ZNF230: variants seen among roughly 807,000 people sequenced by gnomAD.
ZNF230 encodes the protein zinc finger protein 230, also known as zinc finger protein FDZF2.
A neutral mutation model predicts 10.0 loss-of-function variants in ZNF230; 12 were observed. The ratio of observed to expected loss-of-function variants is 1.20; its 90% CI spans 0.77 to 1.95. The LOEUF is 1.95. ZNF230 is among the 30% of genes most tolerant of loss of function. ZNF230 has a pLI of 0.00. For synonymous variants in ZNF230, 174 were observed against 193.6 expected (o/e 0.90, Z 0.84); for missense variants, 532 against 565.8 (o/e 0.94, Z 0.61).
chr19:44,007,150 A>G (rs1241172350), intron 2 of ZNF230, 57 bp downstream of exon 2: 6 of 1,564,236 alleles, frequency 3.8e-6, no homozygotes, highest in Non-Finnish European at 3.5e-6. Flanking sequence ...TCATATTGTC[A>G]TATATTTTTC....
chr19:44,013,314 T>A lies in ZNF230; in HGVS notation c.*1850T>A, dbSNP rs1336747000. ...CCAAGAGAAACCTATCGGAGTTTGG[T>A]AATTTCATGAAATGTATCCATGATT... On this transcript the variant is annotated 3_prime_UTR_variant, in exon 5 of 5. Coordinates refer to ENST00000429154, the MANE Select transcript of ZNF230 (RefSeq NM_006300.4). 1 of 152,244 alleles carries A rather than the reference T, an allele frequency of 6.6e-6. No homozygotes were observed. Among genetic ancestry groups the A allele is most frequent in the Non-Finnish European group, 1.5e-5 (1 of 68,038 alleles). 9.4% of individuals were successfully genotyped at this position (152,244 alleles called of 1,614,324 possible). A position where few individuals can be genotyped will look rare whatever the true frequency, so the allele number is the denominator to read the frequency against.
At position 44,010,810 on chromosome 19, in the gene ZNF230, TG is replaced by T. The variant is rs1346075807; in HGVS notation, c.774del (p.Arg259GlyfsTer14). On this transcript the variant is annotated frameshift_variant, in exon 5 of 5. Coordinates refer to ENST00000429154, the MANE Select transcript of ZNF230 (RefSeq NM_006300.4). LOFTEE classifies it low-confidence loss of function (END_TRUNC). ...AGAAACCTTATATTTGTGAGAAATG[TG>T]GGAGGGCCTTCATTCACGATTTCCA... Reference protein sequence around the residue: ...GEKPYICEKCGRAFIHDFQLQ... With the variant: ...GEKPYICEKCXRAFIHDFQLQ... The T allele has an allele frequency of 6.2e-7, 1 of 1,614,096 alleles. No homozygotes were observed. Among genetic ancestry groups the T allele is most frequent in the African/African-American group, 1.3e-5 (1 of 74,938 alleles).
rs1199222096 is a variant in ZNF230, at chr19:44,010,405, C to A, written c.366C>A (p.Val122=). Residue 122 remains valine (V), a synonymous_variant, in exon 5 of 5, where the codon GTC becomes GTA. Coordinates refer to ENST00000429154, the MANE Select transcript of ZNF230 (RefSeq NM_006300.4). ...NNSHFFEQGD[V]PSQVEAGLSI... is the part of the protein sequence containing the mutation. ...CTCACTTCTTTGAACAAGGTGATGT[C>A]CCCTCCCAGGTTGAGGCAGGACTAT... 10 of 1,614,188 alleles carry A rather than the reference C, an allele frequency of 6.2e-6. No homozygotes were observed. The highest frequency in any genetic ancestry group is 8.5e-6 in the Non-Finnish European group (10 of 1,180,014).
chr19:44,009,261 A>G (rs944673652), intron 4 of ZNF230, 91 bp downstream of exon 4: 331 of 1,386,950 alleles, frequency 2.4e-4, no homozygotes, highest in Non-Finnish European at 3.1e-4. Flanking sequence ...ACCCTGATCT[A>G]AATTGCCCAA....
chr19:44,010,421 G>T lies in ZNF230; in HGVS notation c.382G>T (p.Ala128Ser), dbSNP rs144948923. 3,544 of 1,614,214 alleles carry T rather than the reference G, an allele frequency of 2.2e-3. 8 individuals are homozygous for T. Among genetic ancestry groups the T allele is most frequent in the Non-Finnish European group, 2.6e-3 (3,114 of 1,180,034 alleles). Reference protein sequence around the residue: ...EQGDVPSQVEAGLSIIHTGQK... With the variant: ...EQGDVPSQVESGLSIIHTGQK... ...AGGTGATGTCCCCTCCCAGGTTGAGGCAGGACTATCTATAATTCATACAGG... is the reference window on the plus strand; with the variant it reads ...AGGTGATGTCCCCTCCCAGGTTGAGTCAGGACTATCTATAATTCATACAGG... Residue 128 changes from alanine (A) to serine (S), a missense_variant, in exon 5 of 5, where the codon GCA (alanine) becomes TCA (serine). Transcript: ENST00000429154.
intron 2 of ZNF230, among the ~76,000 whole-genome samples, chr19:44,008,581 C>T (rs1976143079): frequency 6.6e-6 from 1 of 152,192 alleles, no homozygotes. Context: ...TACAAGGAGA[C>T]TCAGTAAGTG....
At position 44,011,097 on chromosome 19, in the gene ZNF230, T is replaced by A. The variant is rs771690652; in HGVS notation, c.1058T>A (p.Ile353Asn). 4 of 1,613,996 alleles carry A rather than the reference T, an allele frequency of 2.5e-6. No individual in the cohort carries two copies. In the African/African-American group the frequency reaches 5.3e-5, roughly 22 times the overall value. ...KSFRWSSYLL[I>N]HQRIHSGEKP... ...TTCAGATGGTCCTCATATCTTTTGA[T>A]CCATCAGCGAATCCACAGTGGAGAA... The change falls in exon 5 of 5, where the codon ATC (isoleucine) becomes AAC (asparagine). Residue 353 changes from isoleucine (I) to asparagine (N), a missense_variant. By Grantham distance (149) the Ile-to-Asn change is moderately radical. Transcript: ENST00000429154.
chr19:44,011,164 T>C lies in ZNF230; in HGVS notation c.1125T>C (p.Ser375=). The change falls in exon 5 of 5, where the codon AGT becomes AGC. Residue 375 remains serine, a synonymous_variant. Coordinates refer to ENST00000429154, the MANE Select transcript of ZNF230 (RefSeq NM_006300.4). ...RCEECGKGYI[S]KSGLNLHQRV... Reference sequence around the variant, plus strand: ...AGGAGTGTGGGAAGGGCTACATTAGTAAGTCAGGTCTTAACTTGCACCAGA... The same window carrying C: ...AGGAGTGTGGGAAGGGCTACATTAGCAAGTCAGGTCTTAACTTGCACCAGA... 1 of 1,614,038 alleles carries C rather than the reference T, an allele frequency of 6.2e-7. No homozygotes were observed. The highest frequency in any genetic ancestry group is 8.5e-7 in the Non-Finnish European group (1 of 1,179,946).
In ZNF230 at chr19:44,013,517, A is replaced by G. The variant is rs1976209688; in HGVS notation, c.*2053A>G. 1 of 152,156 alleles carries G rather than the reference A, an allele frequency of 6.6e-6. No individual in the cohort carries two copies. Among genetic ancestry groups the G allele is most frequent in the African/African-American group, 2.4e-5 (1 of 41,440 alleles). The allele number at this position is 152,156 out of a possible 1,614,324, so 9.4% of individuals were successfully genotyped here. On this transcript the variant is annotated 3_prime_UTR_variant, in exon 5 of 5. Coordinates refer to ENST00000429154, the MANE Select transcript of ZNF230 (RefSeq NM_006300.4). The stretch of plus-strand genomic sequence containing the variant: ...AGTAGAAAACCACATGGATGATATC[A>G]CCCCATTTTAAAATGGAATAAGTAT...
chr19:44,009,066 G>T lies in ZNF230; in HGVS notation c.143-18G>T, dbSNP rs757959906. The T allele has an allele frequency of 1.4e-5, 22 of 1,613,552 alleles. No individual in the cohort carries two copies. In the South Asian group the frequency reaches 2.3e-4, roughly 17 times the overall value. ...TAGAATGAATTGGTATTAAGCACAT[G>T]ACTTTGCATGTTCACAGGGCATCAA... On this transcript the variant is annotated intron_variant, in intron 3 of 4. Coordinates refer to ENST00000429154, the MANE Select transcript of ZNF230 (RefSeq NM_006300.4).
rs913131647 is a variant in ZNF230 at position 44,010,437 on chromosome 19, T to C, written c.398T>C (p.Ile133Thr). 2 of 1,614,210 alleles carry C rather than the reference T, an allele frequency of 1.2e-6. No individual in the cohort carries two copies. Among genetic ancestry groups the C allele is most frequent in the Non-Finnish European group, 1.7e-6 (2 of 1,180,028 alleles). The part of the protein sequence containing the change: ...PSQVEAGLSI[I>T]HTGQKPSQNG... ...CAGGTTGAGGCAGGACTATCTATAA[T>C]TCATACAGGACAGAAACCTTCACAG... Residue 133 changes from isoleucine to threonine, a missense_variant, in exon 5 of 5, where the codon ATT becomes ACT. By Grantham distance (89) the Ile-to-Thr change is moderately conservative (BLOSUM62 -1). Transcript: ENST00000429154.
intron 1 of ZNF230, among the ~76,000 whole-genome samples, chr19:44,005,846 G>A (rs926256868): frequency 3.9e-5 from 6 of 152,036 alleles, no homozygotes; most frequent in South Asian, 2.1e-4. Flanking sequence ...CTGAGATCGC[G>A]CCACTGCACT....
In ZNF230 at chr19:44,008,846, A is replaced by T. The variant is rs765422616; in HGVS notation, c.72A>T (p.Leu24=). 1 of 1,614,092 alleles carries T rather than the reference A, an allele frequency of 6.2e-7. No homozygotes were observed. The highest frequency in any genetic ancestry group is 1.1e-5 in the South Asian group (1 of 91,088). The stretch of plus-strand genomic sequence containing the variant: ...TCTTCACTGAGGAGGAACTGGGGCT[A>T]CTGGACCCTGCCCAGAGGAAGCTGT... ...AVFFTEEELG[L]LDPAQRKLYQ... The change falls in exon 3 of 5, where the codon CTA becomes CTT. Residue 24 remains leucine (L), a synonymous_variant. Transcript: ENST00000429154.
At chr19:44,004,725 C>CAAAAAAAA (rs754318339) in intron 1 of ZNF230, 1 of 63,062 alleles carries the variant, frequency 1.6e-5, no homozygotes, top group Non-Finnish European at 3.3e-5. Flanking sequence ...GAGTGAGACT[C>CAAAAAAAA]AAAAAAAAAA....
At chr19:44,009,195 C>G (rs772167531) in intron 4 of ZNF230, 25 bp downstream of exon 4, 5 of 1,608,732 alleles carry the variant, frequency 3.1e-6, no homozygotes, top group Middle Eastern at 1.7e-4. Flanking sequence ...ACTGTGTGTC[C>G]TTGTACATGA....
Position 44,009,275 on chromosome 19 carries a change from C to G in ZNF230, c.229+105C>G, listed in dbSNP as rs1976151821. On this transcript the variant is annotated intron_variant, in intron 4 of 4. Coordinates refer to ENST00000429154, the MANE Select transcript of ZNF230 (RefSeq NM_006300.4). ...CACCCTGATCTAAATTGCCCAATCT[C>G]TTTCCTGGTTTATTACAACCCCTTT... 2.4e-6 allele frequency: 3 copies of G among 1,276,258 alleles called. No homozygotes were observed. In the East Asian group the frequency reaches 7.2e-5, roughly 31 times the overall value. The allele number at this position is 1,276,258 out of a possible 1,614,324, so 79.1% of individuals were successfully genotyped here.
rs904504994 is a variant in ZNF230 at position 44,012,161 on chromosome 19, G to T, written c.*697G>T. 1.0e-5 allele frequency: 3 copies of T among 299,930 alleles called. No individual in the cohort carries two copies. The Admixed American group carries it at 1.5e-4, about 15-fold the overall frequency. 18.6% of individuals were successfully genotyped at this position (299,930 alleles called of 1,614,324 possible). Reference sequence around the variant, plus strand: ...TTGACACAAGAGCAAAACTATGGAAGTGTGGCTAGGGTGATATGGCTTCAT... The same window carrying T: ...TTGACACAAGAGCAAAACTATGGAATTGTGGCTAGGGTGATATGGCTTCAT... On this transcript the variant is annotated 3_prime_UTR_variant, in exon 5 of 5. Transcript: ENST00000429154.
rs1356106983 is a variant in ZNF230 at position 44,011,976 on chromosome 19, T to A, written c.*512T>A. ...TGCCACCTTTTCTTCATTTATCTAT[T>A]GATGGACACATAGGTGGGTTCCATA... On this transcript the variant is annotated 3_prime_UTR_variant, in exon 5 of 5. Coordinates refer to ENST00000429154, the MANE Select transcript of ZNF230 (RefSeq NM_006300.4). 1 of 184,706 alleles carries A rather than the reference T, an allele frequency of 5.4e-6. No individual in the cohort carries two copies. The highest frequency in any genetic ancestry group is 1.1e-5 in the Non-Finnish European group (1 of 88,286). 11.4% of individuals were successfully genotyped at this position (184,706 alleles called of 1,614,324 possible).
In ZNF230 at chr19:44,009,157, A is replaced by G; in HGVS notation, c.216A>G (p.Arg72=). 1.2e-6 allele frequency: 2 copies of G among 1,614,218 alleles called. No homozygotes were observed. Among genetic ancestry groups the G allele is most frequent in the Non-Finnish European group, 1.7e-6 (2 of 1,180,026 alleles). ...KFWMMETATQ[R]EGNSGGKTIA... ...GGATGATGGAGACAGCAACCCAAAG[A>G]GAAGGAAATTCAGGTAAGAAGCAAG... The change falls in exon 4 of 5, where the codon AGA becomes AGG. Residue 72 remains arginine (R), a synonymous_variant. Coordinates refer to ENST00000429154, the MANE Select transcript of ZNF230 (RefSeq NM_006300.4).
Sources: allele counts gnomAD v4.1 joint callset (sites outside exome capture counted in the v4.1 genomes callset), GRCh38; gene constraint gnomAD v4.1.1; transcripts MANE v1.5; gene names NCBI Gene and HGNC (gene_info 2026-07-23, HGNC 2026-07-21).